The following SLC16A10 variants were observed in gnomAD, a reference collection of about 807,000 sequenced individuals.
SLC16A10 encodes solute carrier family 16 member 10.
Under a neutral mutation model 40.0 loss-of-function variants are expected in SLC16A10, and 27 were observed. The observed-to-expected ratio is 0.67, with a 90% CI of 0.50 to 0.93. The LOEUF (loss-of-function observed/expected upper bound fraction) is 0.93. Among genes scored for constraint, SLC16A10 ranks in the 40% least tolerant of loss-of-function variants. The probability of loss-of-function intolerance (pLI) is 0.00; values close to 1 mark genes in which losing one functional copy is unlikely to be tolerated. For missense variants in SLC16A10, 529 were observed against 658.2 expected, an observed-to-expected ratio of 0.80 and a Z score of 2.15; for synonymous variants, 213 against 249.8, an observed-to-expected ratio of 0.85 and a Z score of 1.39.
intron 3 of SLC16A10, among the ~76,000 whole-genome samples, chr6:111,188,969 T>C (rs1354342850): frequency 6.6e-6 from 1 of 152,176 alleles, no homozygotes. Flanking sequence ...TAGAATAGAT[T>C]TCCAGTTTAT....
intron 1 of SLC16A10, among the ~76,000 whole-genome samples, chr6:111,151,056 C>T (rs980600389): frequency 3.9e-5 from 6 of 152,110 alleles, no homozygotes; most frequent in African/African-American, 7.2e-5. Flanking sequence ...CCTCTAGTAG[C>T]GTACATACTC....
intron 1 of SLC16A10, among the ~76,000 whole-genome samples, chr6:111,088,705 G>T (rs1434963152): frequency 1.3e-5 from 2 of 152,172 alleles, no homozygotes; most frequent in African/African-American, 4.8e-5. Flanking sequence ...GAGGCAGCCG[G>T]ATTAGGGACT....
At chr6:111,192,655 A>G (rs192324749) in intron 3 of SLC16A10, among the ~76,000 whole-genome samples, 2 of 152,312 alleles carry the variant, frequency 1.3e-5, no homozygotes, top group Admixed American at 1.3e-4. Flanking sequence ...CAATTTATAA[A>G]GAAAAGAGGT....
chr6:111,177,127 C>A, intron 2 of SLC16A10, 85 bp from the exon 3 acceptor site: 1 of 921,744 alleles, frequency 1.1e-6, no homozygotes, highest in Non-Finnish European at 1.5e-6. Context: ...TGAACAAAAA[C>A]CCACTTATAC....
intron 1 of SLC16A10, among the ~76,000 whole-genome samples, chr6:111,129,578 C>A (rs1771744687): frequency 1.3e-5 from 2 of 152,204 alleles, no homozygotes; most frequent in South Asian, 4.1e-4. Context: ...TATTTAAATT[C>A]AGTTTAACTC....
chr6:111,135,274 G>A (rs1771857088), intron 1 of SLC16A10, among the ~76,000 whole-genome samples: 1 of 152,096 alleles, frequency 6.6e-6, no homozygotes, highest in Non-Finnish European at 1.5e-5. Context: ...TAAACTAAAG[G>A]ATTCTGCCTC....
chr6:111,116,905 T>A (rs1046708189), intron 1 of SLC16A10, among the ~76,000 whole-genome samples: 1 of 152,184 alleles, frequency 6.6e-6, no homozygotes, highest in African/African-American at 2.4e-5. Context: ...AAACTAAAAG[T>A]AGTGCCCCCT....
chr6:111,103,031 G>A (rs1313149482), intron 1 of SLC16A10, among the ~76,000 whole-genome samples: 2 of 151,972 alleles, frequency 1.3e-5, no homozygotes, highest in Non-Finnish European at 2.9e-5. Context: ...TCAGCCTCCT[G>A]AGTAGCTGGG....
chr6:111,096,494 A>G (rs1265550169), intron 1 of SLC16A10, among the ~76,000 whole-genome samples: 2 of 152,204 alleles, frequency 1.3e-5, no homozygotes, highest in East Asian at 1.9e-4. Flanking sequence ...CAGACCCACC[A>G]CATAAGACAG....
intron 1 of SLC16A10, among the ~76,000 whole-genome samples, chr6:111,139,618 G>A (rs1771945466): frequency 6.6e-6 from 1 of 152,060 alleles, no homozygotes; most frequent in Non-Finnish European, 1.5e-5. Flanking sequence ...TCTTTCTTAT[G>A]ACTGTGTAGT....
intron 3 of SLC16A10, among the ~76,000 whole-genome samples, chr6:111,198,606 A>G (rs1773117689): frequency 3.3e-5 from 5 of 152,228 alleles, no homozygotes; most frequent in Admixed American, 3.3e-4. Flanking sequence ...GTTGTAACAC[A>G]TGGTATTTGT....
At chr6:111,208,597 A>G (rs764630913) in intron 4 of SLC16A10, among the ~76,000 whole-genome samples, 1 of 152,098 alleles carries the variant, frequency 6.6e-6, no homozygotes. Context: ...AAAAAAATCA[A>G]TCTGGTAACT....
Position 111,227,642 on chromosome 6 carries a change from T to C in SLC16A10, c.*5407T>C, listed in dbSNP as rs1234452937. 6 of 152,184 alleles carry C rather than the reference T, an allele frequency of 3.9e-5. No homozygotes were observed. Among genetic ancestry groups the C allele is most frequent in the Non-Finnish European group, 8.8e-5 (6 of 68,046 alleles). The allele number at this position is 152,184 out of a possible 1,614,324, so 9.4% of individuals were successfully genotyped here. On this transcript the variant is annotated 3_prime_UTR_variant, in exon 6 of 6. Transcript: ENST00000368851. ...GGACACCTCTTTTAAAGTTCAGTGTTCCATACTAAAGGGGTGTAATCTTGC... is the reference window on the plus strand; with the variant it reads ...GGACACCTCTTTTAAAGTTCAGTGTCCCATACTAAAGGGGTGTAATCTTGC...
At chr6:111,134,130 G>A (rs542710664) in intron 1 of SLC16A10, among the ~76,000 whole-genome samples, 6 of 152,316 alleles carry the variant, frequency 3.9e-5, no homozygotes, top group Middle Eastern at 3.4e-3. Flanking sequence ...GAAAGAGAAC[G>A]ATTCCCCACA....
At chr6:111,111,676 G>T (rs1771389052) in intron 1 of SLC16A10, among the ~76,000 whole-genome samples, 2 of 152,150 alleles carry the variant, frequency 1.3e-5, no homozygotes, top group Admixed American at 1.3e-4. Context: ...TCTCTAACCA[G>T]TCCAGCCTCT....
At chr6:111,125,661 A>G (rs1771663095) in intron 1 of SLC16A10, among the ~76,000 whole-genome samples, 1 of 152,182 alleles carries the variant, frequency 6.6e-6, no homozygotes, top group Non-Finnish European at 1.5e-5. Context: ...GAATATCCAT[A>G]AGAGTTTATA....
At chr6:111,220,036 G>A (rs368129169) in intron 5 of SLC16A10, among the ~76,000 whole-genome samples, 42 of 152,304 alleles carry the variant, frequency 2.8e-4, no homozygotes, top group Middle Eastern at 3.4e-3. Context: ...CTGCAGAGCC[G>A]TGATAGCACC....
chr6:111,222,358 G>A lies in SLC16A10; in HGVS notation c.*123G>A. 1 of 1,280,492 alleles carries A rather than the reference G, an allele frequency of 7.8e-7. No homozygotes were observed. The highest frequency in any genetic ancestry group is 1.0e-6 in the Non-Finnish European group (1 of 971,892). The allele number at this position is 1,280,492 out of a possible 1,614,324, so 79.3% of individuals were successfully genotyped here. A position where few individuals can be genotyped will look rare whatever the true frequency, so the allele number is the denominator to read the frequency against. ...ACATCCTAGGAATAGCACAATAATT[G>A]GGAAATAGAACCCTTATCACTAGAA... On this transcript the variant is annotated 3_prime_UTR_variant, in exon 6 of 6. Transcript: ENST00000368851.
chr6:111,156,241 TA>T (rs1772267596), intron 1 of SLC16A10, among the ~76,000 whole-genome samples: 1 of 152,192 alleles, frequency 6.6e-6, no homozygotes, highest in African/African-American at 2.4e-5. Flanking sequence ...TTTATGTAGG[TA>T]AATACTTCAC....
Sources: allele counts gnomAD v4.1 joint callset (sites outside exome capture counted in the v4.1 genomes callset), GRCh38; gene constraint gnomAD v4.1.1; transcripts MANE v1.5; gene names NCBI Gene and HGNC (gene_info 2026-07-23, HGNC 2026-07-21).